Variants in KLF12 observed in about 807,000 individuals in gnomAD.
The protein encoded by KLF12 is KLF transcription factor 12.
KLF12 carries 9 observed loss-of-function variants against 37.8 expected under a neutral mutation model. The ratio of observed to expected loss-of-function variants is 0.24; its 90% CI spans 0.14 to 0.42. The LOEUF (loss-of-function observed/expected upper bound fraction) is 0.42, where lower values mean the gene tolerates loss of function less well. Among genes scored for constraint, KLF12 ranks in the 10% least tolerant of loss-of-function variants. The pLI, the probability that KLF12 is intolerant of heterozygous loss-of-function variation, is 1.00. For synonymous variants in KLF12, 208 were observed against 202.1 expected (o/e 1.03, Z -0.25); for missense variants, 411 against 516.0 (o/e 0.80, Z 1.97).
chr13:73,966,169 TA>T (rs1891166773), intron 2 of KLF12, among the ~76,000 whole-genome samples: 1 of 152,214 alleles, frequency 6.6e-6, no homozygotes, highest in Non-Finnish European at 1.5e-5. Context: ...TCACAAATGA[TA>T]ATTCTGAAAG....
intron 1 of KLF12, among the ~76,000 whole-genome samples, chr13:74,096,016 C>T (rs1373394346): frequency 6.6e-6 from 1 of 152,172 alleles, no homozygotes; most frequent in East Asian, 1.9e-4. Context: ...CATTTTCCAT[C>T]ATTTCATAAG....
chr13:73,873,194 G>A (rs1886553178), intron 3 of KLF12, among the ~76,000 whole-genome samples: 1 of 151,866 alleles, frequency 6.6e-6, no homozygotes, highest in South Asian at 2.1e-4. Flanking sequence ...TCTCCCCTCT[G>A]CTCCCATTAA....
chr13:73,793,610 A>G (rs1263946623), intron 5 of KLF12, among the ~76,000 whole-genome samples: 2 of 152,362 alleles, frequency 1.3e-5, no homozygotes, highest in East Asian at 3.9e-4. Context: ...TATTGTCTTC[A>G]TGACTAGTAT....
At chr13:74,153,705 A>G in the KLF12 span, among the ~76,000 whole-genome samples, 1 of 152,242 alleles carries the variant, frequency 6.6e-6, no homozygotes, top group African/African-American at 2.4e-5. Flanking sequence ...CTTCTCTAGA[A>G]CACTTGCAGT....
intron 1 of KLF12, among the ~76,000 whole-genome samples, chr13:74,058,166 C>T (rs1873357506): frequency 6.6e-6 from 1 of 151,010 alleles, no homozygotes; most frequent in Non-Finnish European, 1.5e-5. Flanking sequence ...GGGTTTTTGC[C>T]ATGTTGGCCA....
chr13:73,850,318 C>CT (rs540044802), intron 3 of KLF12, among the ~76,000 whole-genome samples: 23 of 152,030 alleles, frequency 1.5e-4, no homozygotes, highest in South Asian at 2.1e-4. Context: ...AATCAGATAA[C>CT]TTTTTTTTCC....
At chr13:73,734,938 G>C (rs1009708596) in intron 6 of KLF12, among the ~76,000 whole-genome samples, 2 of 151,992 alleles carry the variant, frequency 1.3e-5, no homozygotes, top group Non-Finnish European at 2.9e-5. Context: ...TTCTGCAAGA[G>C]GTAATACTCA....
intron 3 of KLF12, among the ~76,000 whole-genome samples, chr13:73,909,710 CAACAAACTTACGTTTGTTTAAA>C (rs1888480640): frequency 6.6e-6 from 1 of 152,284 alleles, no homozygotes; most frequent in African/African-American, 2.4e-5. Flanking sequence ...CACTAGGTCC[CAACAAACTTACGTTTGTTTAAA>C]AACAAAATTT....
At chr13:73,990,664 A>G (rs914189802) in intron 2 of KLF12, among the ~76,000 whole-genome samples, 1 of 152,222 alleles carries the variant, frequency 6.6e-6, no homozygotes, top group Non-Finnish European at 1.5e-5. Context: ...GTTTCAAGTT[A>G]AATTCAGTCA....
chr13:73,807,343 A>G (rs946341668), intron 5 of KLF12, among the ~76,000 whole-genome samples: 1 of 152,110 alleles, frequency 6.6e-6, no homozygotes, highest in Non-Finnish European at 1.5e-5. Context: ...CAAAATAGCA[A>G]TAAGAGAAGT....
intron 1 of KLF12, among the ~76,000 whole-genome samples, chr13:74,010,865 T>C (rs1023784621): frequency 6.6e-6 from 1 of 152,214 alleles, no homozygotes; most frequent in Non-Finnish European, 1.5e-5. Context: ...AATAGAAGAC[T>C]GGTTCATGGT....
intron 1 of KLF12, among the ~76,000 whole-genome samples, chr13:74,072,217 A>C (rs1418751536): frequency 6.6e-6 from 1 of 151,636 alleles, no homozygotes; most frequent in Non-Finnish European, 1.5e-5. Flanking sequence ...TTTCTTTTGT[A>C]CCTATTAGCA....
chr13:73,996,492 G>A (rs980033212), intron 1 of KLF12, among the ~76,000 whole-genome samples: 4 of 152,104 alleles, frequency 2.6e-5, no homozygotes, highest in Admixed American at 2.0e-4. Context: ...TTTTCACAGG[G>A]TAGTTCTATA....
intron 3 of KLF12, among the ~76,000 whole-genome samples, chr13:73,867,169 C>T (rs1446904025): frequency 1.3e-5 from 2 of 151,432 alleles, no homozygotes; most frequent in African/African-American, 2.4e-5. Flanking sequence ...ATTATAGCTT[C>T]GATTTTTAAG....
chr13:74,150,236 A>C, the KLF12 span, among the ~76,000 whole-genome samples: 1 of 152,190 alleles, frequency 6.6e-6, no homozygotes, highest in African/African-American at 2.4e-5. Context: ...ATTAGTGAAT[A>C]TCTCTCTAAT....
At chr13:73,931,999 A>T (rs1889707987) in intron 3 of KLF12, among the ~76,000 whole-genome samples, 2 of 152,102 alleles carry the variant, frequency 1.3e-5, no homozygotes, top group Non-Finnish European at 2.9e-5. Context: ...ATTTATTTCA[A>T]GTTAAAAATA....
At chr13:74,087,964 A>G (rs9530276) in intron 1 of KLF12, among the ~76,000 whole-genome samples, 29,315 of 151,994 alleles carry the variant, frequency 0.19, 2,993 homozygotes, top group African/African-American at 0.27. Context: ...AACACTGATG[A>G]GGGGCATGAC....
intron 3 of KLF12, among the ~76,000 whole-genome samples, chr13:73,884,409 GA>G (rs1199638345): frequency 6.6e-6 from 1 of 152,046 alleles, no homozygotes; most frequent in Non-Finnish European, 1.5e-5. Context: ...TGTCACTACA[GA>G]AAAAAACACT....
chr13:74,066,826 A>G (rs1873946552), intron 1 of KLF12, among the ~76,000 whole-genome samples: 1 of 152,196 alleles, frequency 6.6e-6, no homozygotes, highest in Non-Finnish European at 1.5e-5. Flanking sequence ...GAAGGGAGCT[A>G]TAAAGCTCAC....
Sources: allele counts gnomAD v4.1 joint callset (sites outside exome capture counted in the v4.1 genomes callset), GRCh38; gene constraint gnomAD v4.1.1; transcripts MANE v1.5; gene names NCBI Gene and HGNC (gene_info 2026-07-23, HGNC 2026-07-21).